ZBTB7C: variants seen among roughly 807,000 people sequenced by gnomAD.
The protein encoded by ZBTB7C is zinc finger and BTB domain-containing protein 7C.
In ZBTB7C, 8 loss-of-function variants were observed where a neutral mutation model predicts 25.7. The observed-to-expected ratio is 0.31, with a 90% CI of 0.18 to 0.56. ZBTB7C has a LOEUF of 0.56. Among genes scored for constraint, ZBTB7C ranks in the 20% least tolerant of loss-of-function variants. ZBTB7C has a pLI of 0.91. For synonymous variants in ZBTB7C, 394 were observed against 369.0 expected (o/e 1.07, Z -0.78); for missense variants, 824 against 855.2 (o/e 0.96, Z 0.46).
intron 3 of ZBTB7C, among the ~76,000 whole-genome samples, chr18:48,114,776 G>A (rs1161202106): frequency 1.3e-5 from 2 of 152,180 alleles, no homozygotes; most frequent in East Asian, 1.9e-4. Context: ...CTGCTTCAAG[G>A]TGGATGAATC....
chr18:48,128,789 G>C (rs1003632933), intron 3 of ZBTB7C, among the ~76,000 whole-genome samples: 2 of 152,172 alleles, frequency 1.3e-5, no homozygotes, highest in African/African-American at 4.8e-5. Flanking sequence ...GTGCACTAAA[G>C]TCTCAGATTT....
At chr18:48,221,759 CTCCTCTATACTGTCCCAGTT>C (rs2042965406) in intron 2 of ZBTB7C, among the ~76,000 whole-genome samples, 1 of 151,648 alleles carries the variant, frequency 6.6e-6, no homozygotes, top group Non-Finnish European at 1.5e-5. Flanking sequence ...CTGTCCTTGT[CTCCTCTATACTGTCCCAGTT>C]TCCTCTATGC....
chr18:48,402,084 T>C (rs528891859), intron 1 of ZBTB7C, among the ~76,000 whole-genome samples: 1 of 152,188 alleles, frequency 6.6e-6, no homozygotes, highest in East Asian at 1.9e-4. Context: ...GCAAAATAGT[T>C]TCTGAGTCCT....
chr18:48,201,425 C>T (rs2042444534), intron 2 of ZBTB7C, among the ~76,000 whole-genome samples: 1 of 152,136 alleles, frequency 6.6e-6, no homozygotes, highest in South Asian at 2.1e-4. Flanking sequence ...CTCTGATGTC[C>T]ATTCCTGTGA....
At chr18:48,226,892 C>G (rs1459454329) in intron 2 of ZBTB7C, among the ~76,000 whole-genome samples, 1 of 151,782 alleles carries the variant, frequency 6.6e-6, no homozygotes, top group East Asian at 1.9e-4. Context: ...TGATGGCACA[C>G]AACTGTAGCC....
intron 2 of ZBTB7C, among the ~76,000 whole-genome samples, chr18:48,281,345 A>G (rs2044841968): frequency 6.6e-6 from 1 of 152,132 alleles, no homozygotes; most frequent in African/African-American, 2.4e-5. Context: ...TAGACCTAAA[A>G]CCATAAAAAC....
At chr18:48,223,605 G>T (rs574888114) in intron 2 of ZBTB7C, among the ~76,000 whole-genome samples, 1 of 152,314 alleles carries the variant, frequency 6.6e-6, no homozygotes, top group Admixed American at 6.5e-5. Flanking sequence ...TGTAGGAGGG[G>T]TGAGGATGGT....
chr18:48,188,401 A>G (rs1056956905), intron 2 of ZBTB7C, among the ~76,000 whole-genome samples: 14 of 152,234 alleles, frequency 9.2e-5, no homozygotes. Flanking sequence ...AAAGCCCCTT[A>G]TAAAACCATT....
At chr18:48,377,900 G>A (rs1048791868) in intron 1 of ZBTB7C, among the ~76,000 whole-genome samples, 1 of 152,142 alleles carries the variant, frequency 6.6e-6, no homozygotes, top group African/African-American at 2.4e-5. Context: ...GGCCAGGCAC[G>A]GTGGCTCACG....
chr18:48,308,041 C>T (rs983342437), intron 2 of ZBTB7C, among the ~76,000 whole-genome samples: 2 of 152,112 alleles, frequency 1.3e-5, no homozygotes, highest in African/African-American at 2.4e-5. Flanking sequence ...CCAATCTATC[C>T]CTTTTCTAAG....
At chr18:48,054,878 C>T (rs1270896945) in intron 3 of ZBTB7C, among the ~76,000 whole-genome samples, 1 of 152,146 alleles carries the variant, frequency 6.6e-6, no homozygotes, top group Non-Finnish European at 1.5e-5. Flanking sequence ...GTTTGGTTCC[C>T]TTTCCAAAGA....
At chr18:48,313,809 A>T (rs964216433) in intron 2 of ZBTB7C, among the ~76,000 whole-genome samples, 1 of 152,166 alleles carries the variant, frequency 6.6e-6, no homozygotes, top group African/African-American at 2.4e-5. Context: ...TCCAAATCTC[A>T]TGTTGAAATG....
At chr18:48,185,221 T>G (rs1481546781) in intron 3 of ZBTB7C, 1 of 354,606 alleles carries the variant, frequency 2.8e-6, no homozygotes, top group African/African-American at 2.2e-5. Context: ...CCCTCCTCCA[T>G]CAGTCCAGTT....
At chr18:48,128,225 T>C (rs1273637975) in intron 3 of ZBTB7C, among the ~76,000 whole-genome samples, 1 of 152,192 alleles carries the variant, frequency 6.6e-6, no homozygotes, top group African/African-American at 2.4e-5. Context: ...CTCTGGCCCT[T>C]CATCCTCCTC....
At chr18:48,056,191 T>C (rs570732803) in intron 3 of ZBTB7C, among the ~76,000 whole-genome samples, 2 of 152,340 alleles carry the variant, frequency 1.3e-5, no homozygotes, top group South Asian at 4.1e-4. Flanking sequence ...GTAAGATCCA[T>C]ACAGAGACTG....
intron 1 of ZBTB7C, among the ~76,000 whole-genome samples, chr18:48,406,098 A>C (rs189927445): frequency 1.3e-5 from 2 of 152,148 alleles, no homozygotes; most frequent in East Asian, 3.9e-4. Context: ...TGGGTTATAA[A>C]TAGCCTGGAC....
At chr18:48,296,024 C>T (rs1246826358) in intron 2 of ZBTB7C, among the ~76,000 whole-genome samples, 1 of 152,364 alleles carries the variant, frequency 6.6e-6, no homozygotes, top group East Asian at 1.9e-4. Context: ...TGGTACCTCA[C>T]AGTCAGTGTC....
At chr18:48,373,164 T>C (rs1039761670) in intron 1 of ZBTB7C, among the ~76,000 whole-genome samples, 1 of 152,162 alleles carries the variant, frequency 6.6e-6, no homozygotes, top group African/African-American at 2.4e-5. Context: ...TAATCCCCAA[T>C]GCTGGAGGTG....
chr18:48,300,871 G>C (rs1270101441), intron 2 of ZBTB7C, among the ~76,000 whole-genome samples: 1 of 152,258 alleles, frequency 6.6e-6, no homozygotes, highest in Non-Finnish European at 1.5e-5. Context: ...CGGCTTCGCT[G>C]CAAAGCAAAG....
Sources: gnomAD v4.1 joint callset for allele counts (sites outside exome capture counted in the v4.1 genomes callset) on GRCh38, gnomAD v4.1.1 for gene constraint, MANE v1.5 for transcripts, NCBI Gene and HGNC (gene_info 2026-07-23, HGNC 2026-07-21) for gene names.